Variants in MID2 observed in about 807,000 individuals in gnomAD.
MID2 encodes the protein probable E3 ubiquitin-protein ligase MID2.
A neutral mutation model predicts 46.1 loss-of-function variants in MID2; 13 were observed. The ratio of observed to expected loss-of-function variants is 0.28; its 90% CI spans 0.18 to 0.45. MID2 has a LOEUF of 0.45. Among genes scored for constraint, MID2 ranks in the 20% least tolerant of loss-of-function variants. MID2 has a pLI of 1.00. For missense variants in MID2, 431 were observed against 575.4 expected, an observed-to-expected ratio of 0.75 and a Z score of 2.57; for synonymous variants, 199 against 212.3, an observed-to-expected ratio of 0.94 and a Z score of 0.55.
At chrX:107,899,457 G>A (rs73533428) in intron 3 of MID2, among the ~76,000 whole-genome samples, 2,044 of 110,843 alleles carry the variant, frequency 0.018, 51 homozygotes, top group African/African-American at 0.063. Context: ...TCTACAGTCA[G>A]TCTTTGGGCT....
intron 2 of MID2, among the ~76,000 whole-genome samples, chrX:107,845,525 A>ACACACACTCTCTCTCTCTCTCTCTCT (rs1276957001): frequency 1.9e-4 from 14 of 72,944 alleles, no homozygotes; most frequent in African/African-American, 1.1e-3. Context: ...ACACACACAC[A>ACACACACTCTCTCTCTCTCTCTCTCT]CTCTCTCTCT....
intron 2 of MID2, among the ~76,000 whole-genome samples, chrX:107,845,573 A>G (rs1309994428): frequency 3.9e-5 from 4 of 103,661 alleles, no homozygotes; most frequent in African/African-American, 1.6e-4. Context: ...AGACTGGGAC[A>G]GAGAAAGCTA....
At chrX:107,842,298 C>T (rs957846927) in intron 2 of MID2, among the ~76,000 whole-genome samples, 2 of 112,422 alleles carry the variant, frequency 1.8e-5, no homozygotes, top group East Asian at 5.6e-4. Context: ...TCCTACCTTA[C>T]ACTGATGATC....
intron 3 of MID2, among the ~76,000 whole-genome samples, chrX:107,872,029 G>C (rs1027626311): frequency 5.4e-5 from 6 of 112,088 alleles, no homozygotes; most frequent in African/African-American, 1.9e-4. Context: ...CCTGCCTCCT[G>C]CCCCTGTCAT....
chrX:107,881,868 G>A (rs1932328009), intron 3 of MID2, among the ~76,000 whole-genome samples: 1 of 112,396 alleles, frequency 8.9e-6, no homozygotes, highest in African/African-American at 3.2e-5. Context: ...TATTCACTGT[G>A]ATTATGCAAA....
At chrX:107,912,419 G>C (rs1932906868) in intron 5 of MID2, among the ~76,000 whole-genome samples, 1 of 111,896 alleles carries the variant, frequency 8.9e-6, no homozygotes, top group African/African-American at 3.2e-5. Flanking sequence ...TGAATACCTT[G>C]TTGCTAAATA....
chrX:107,905,844 C>T (rs968560340), intron 5 of MID2, among the ~76,000 whole-genome samples: 13 of 111,942 alleles, frequency 1.2e-4, no homozygotes, highest in African/African-American at 3.9e-4. Context: ...AAGTACCAGC[C>T]GTAGCTATTG....
At chrX:107,907,827 T>C (rs184869720) in intron 5 of MID2, among the ~76,000 whole-genome samples, 1 of 112,414 alleles carries the variant, frequency 8.9e-6, no homozygotes, top group South Asian at 3.7e-4. Flanking sequence ...TAAGTCATAT[T>C]GCAAGAAATA....
At chrX:107,888,552 G>T (rs750222113) in intron 3 of MID2, among the ~76,000 whole-genome samples, 9 of 111,912 alleles carry the variant, frequency 8.0e-5, no homozygotes, top group Non-Finnish European at 1.5e-4. Context: ...GGTCAATTTT[G>T]GAATAGGTGT....
chrX:107,892,546 A>G, intron 3 of MID2, among the ~76,000 whole-genome samples: 1 of 111,202 alleles, frequency 9.0e-6, no homozygotes. Context: ...CCTCCTATCC[A>G]TTTTCCACAT....
At chrX:107,861,196 G>A (rs1931844624) in intron 3 of MID2, among the ~76,000 whole-genome samples, 1 of 112,303 alleles carries the variant, frequency 8.9e-6, no homozygotes, top group South Asian at 3.7e-4. Context: ...CCTTCAAAAT[G>A]TGGAAGATTT....
rs549439596 is a variant in MID2 at position 107,875,594 on chromosome X, G to A, written c.816+20890G>A. Among the ~76,000 whole-genome samples, 8 of 111,367 alleles carry A rather than the reference G, an allele frequency of 7.2e-5. No homozygotes were observed. The South Asian group carries it at 2.7e-3, about 38-fold the overall frequency. On this transcript the variant is annotated intron_variant, in intron 3 of 9. Coordinates refer to ENST00000262843, the MANE Select transcript of MID2 (RefSeq NM_012216.4). ...GTGTTAATATCAGTCTTCACTAGGGGGAGACAAATAGTTTGTTCAGAGGCC... is the reference window on the plus strand; with the variant it reads ...GTGTTAATATCAGTCTTCACTAGGGAGAGACAAATAGTTTGTTCAGAGGCC...
intron 7 of MID2, among the ~76,000 whole-genome samples, chrX:107,921,207 A>G (rs1258761141): frequency 1.8e-5 from 2 of 111,577 alleles, no homozygotes; most frequent in Non-Finnish European, 3.8e-5. Context: ...CATTTTTTAA[A>G]AAGTGTTCTT....
intron 3 of MID2, among the ~76,000 whole-genome samples, chrX:107,891,405 C>G (rs150002621): frequency 9.2e-6 from 1 of 109,057 alleles, no homozygotes. Context: ...CTCAGACTCC[C>G]GAGTAGCTGA....
At chrX:107,893,659 A>G (rs182445338) in intron 3 of MID2, among the ~76,000 whole-genome samples, 96 of 112,477 alleles carry the variant, frequency 8.5e-4, no homozygotes, top group African/African-American at 2.9e-3. Context: ...TATTAATAGT[A>G]ATATGCTCAC....
chrX:107,841,403 C>T lies in MID2; in HGVS notation c.720+18C>T, dbSNP rs188053779. The T allele has an allele frequency of 5.7e-5, 63 of 1,102,253 alleles. No individual in the cohort carries two copies. The Admixed American group carries it at 1.6e-3, about 27-fold the overall frequency. 90.8% of individuals were successfully genotyped at this position (1,102,253 alleles called of 1,213,427 possible). A position where few individuals can be genotyped will look rare whatever the true frequency, so the allele number is the denominator to read the frequency against. On this transcript the variant is annotated intron_variant, in intron 2 of 9. Transcript: ENST00000262843. ...AACTCAAGGTAAGGGATCTGGGGAG[C>T]ATCCCCTATACAACTTTGTCGCATA... is the stretch of plus-strand genomic sequence containing the variant.
chrX:107,909,733 A>T (rs377317147), intron 5 of MID2, among the ~76,000 whole-genome samples: 3 of 112,519 alleles, frequency 2.7e-5, no homozygotes, highest in Non-Finnish European at 5.6e-5. Flanking sequence ...TTCACACTTG[A>T]TAGGTTGGAA....
chrX:107,876,749 C>T (rs1288476157), intron 3 of MID2, among the ~76,000 whole-genome samples: 1 of 111,914 alleles, frequency 8.9e-6, no homozygotes, highest in Non-Finnish European at 1.9e-5. Context: ...AATGTCTTTC[C>T]AGGAGAGTTC....
chrX:107,891,750 G>C (rs2147855735), intron 3 of MID2, among the ~76,000 whole-genome samples: 1 of 112,164 alleles, frequency 8.9e-6, no homozygotes, highest in South Asian at 3.7e-4. Flanking sequence ...CCTTCCCTCT[G>C]ATGCTTACAA....
Sources: gnomAD v4.1 joint callset for allele counts (sites outside exome capture counted in the v4.1 genomes callset) on GRCh38, gnomAD v4.1.1 for gene constraint, MANE v1.5 for transcripts, NCBI Gene and HGNC (gene_info 2026-07-23, HGNC 2026-07-21) for gene names.